The following MXD1 variants were observed in gnomAD, a reference collection of about 807,000 sequenced individuals.
MXD1 encodes the protein MAX dimerization protein 1.
A neutral mutation model predicts 25.7 loss-of-function variants in MXD1; 9 were observed. The ratio of observed to expected loss-of-function variants is 0.35; its 90% confidence interval spans 0.21 to 0.61. MXD1 has a LOEUF of 0.61. MXD1 is among the 20% of genes least tolerant of loss of function. MXD1 has a pLI of 0.75. For synonymous variants in MXD1, 99 were observed against 113.9 expected (o/e 0.87, Z 0.83); for missense variants, 227 against 292.4 (o/e 0.78, Z 1.63).
chr2:69,937,199 C>A, intron 4 of MXD1, 36 bp from the exon 5 acceptor site: 10 of 1,610,470 alleles, frequency 6.2e-6, no homozygotes, highest in Non-Finnish European at 8.5e-6. Flanking sequence ...TAGAGATCTC[C>A]CTGTGGGGCC....
intron 2 of MXD1, among the ~76,000 whole-genome samples, chr2:69,919,543 C>T (rs1677021482): frequency 6.6e-6 from 1 of 151,876 alleles, no homozygotes; most frequent in South Asian, 2.1e-4. Flanking sequence ...CGGGGTTTCG[C>T]CAGGTTAGCC....
intron 3 of MXD1, among the ~76,000 whole-genome samples, chr2:69,934,846 G>T (rs947055840): frequency 3.3e-5 from 5 of 152,118 alleles, no homozygotes; most frequent in African/African-American, 7.2e-5. Flanking sequence ...CCTCCTGGGT[G>T]GTCATTTGGG....
At chr2:69,916,562 A>C (rs72904958) in intron 2 of MXD1, 7 of 189,200 alleles carry the variant, frequency 3.7e-5, no homozygotes, top group Admixed American at 3.6e-4. Flanking sequence ...ATTCAGGGCA[A>C]GTTTTCTATA....
chr2:69,932,674 T>C (rs1677318375), intron 3 of MXD1, among the ~76,000 whole-genome samples: 1 of 152,218 alleles, frequency 6.6e-6, no homozygotes, highest in South Asian at 2.1e-4. Context: ...ATTTGGGTAG[T>C]GAAAATTGCA....
At position 69,915,397 on chromosome 2, in the gene MXD1, G is replaced by A; in HGVS notation, c.67G>A (p.Glu23Lys). The change falls in exon 1 of 6, where the codon GAG becomes AAG. Residue 23 changes from glutamate (E) to lysine (K), a missense_variant. Glu to Lys is a moderately conservative substitution (Grantham distance 56). Coordinates refer to ENST00000264444, the MANE Select transcript of MXD1 (RefSeq NM_002357.4). The surrounding 1 kb of genome is among the most constrained non-coding windows in gnomAD (Gnocchi z 5.8). ...GGCGGCCGACTATCTGGAGCGGCGG[G>A]AGAGAGGTGCACGGGGACGGGGAGG... ...LEAADYLERREREAEHGYASM... is the reference protein window; with the variant it reads ...LEAADYLERRKREAEHGYASM... 7.8e-7 allele frequency: 1 copy of A among 1,283,890 alleles called. No homozygotes were observed. The highest frequency in any genetic ancestry group is 9.9e-7 in the Non-Finnish European group (1 of 1,005,598). The allele number at this position is 1,283,890 out of a possible 1,614,324, so 79.5% of individuals were successfully genotyped here.
Position 69,926,914 on chromosome 2 carries a change from A to T in MXD1, c.203+5149A>T, listed in dbSNP as rs1677181847. On this transcript the variant is annotated intron_variant, in intron 3 of 5. Transcript: ENST00000264444. ...AAAAGATGGCTCTGGCGTCTCCTTT[A>T]ATAGTAGACATCCATTTTTCTGGAG... Among the ~76,000 whole-genome samples the T allele has an allele frequency of 2.6e-5, 4 of 152,360 alleles. No individual in the cohort carries two copies. The South Asian group carries it at 8.3e-4, about 32-fold the overall frequency.
chr2:69,922,188 A>G (rs980787560), intron 3 of MXD1, among the ~76,000 whole-genome samples: 1 of 152,228 alleles, frequency 6.6e-6, no homozygotes, highest in African/African-American at 2.4e-5. Context: ...ACGTGTATGT[A>G]TGTGTATTTG....
rs1676955451 is a variant in MXD1 at position 69,915,992 on chromosome 2, C to T, written c.74-129C>T. On this transcript the variant is annotated intron_variant, in intron 1 of 5. Coordinates refer to ENST00000264444, the MANE Select transcript of MXD1 (RefSeq NM_002357.4). The surrounding 1 kb of genome is among the most constrained non-coding windows in gnomAD (Gnocchi z 5.8). ...TTAAATCATTGTTCTCAGAATTCCA[C>T]CTTACTCCATTTAATTATTTCCACA... 1.5e-6 allele frequency: 1 copy of T among 680,502 alleles called. No individual in the cohort carries two copies. Among genetic ancestry groups the T allele is most frequent in the East Asian group, 2.8e-5 (1 of 36,342 alleles). The allele number at this position is 680,502 out of a possible 1,614,324, so 42.2% of individuals were successfully genotyped here. A position where few individuals can be genotyped will look rare whatever the true frequency, so the allele number is the denominator to read the frequency against.
chr2:69,915,423 G>C lies in MXD1; in HGVS notation c.73+20G>C, dbSNP rs572639550. On this transcript the variant is annotated intron_variant, in intron 1 of 5. Transcript: ENST00000264444. This position sits in a 1 kb window ranked among gnomAD's most constrained non-coding sequence, Gnocchi z 5.8. The stretch of plus-strand genomic sequence containing the variant: ...AGAGAGGTGCACGGGGACGGGGAGG[G>C]GTCCACTCGAAACGAGGCCGGGGGT... The C allele has an allele frequency of 1.3e-5, 17 of 1,269,048 alleles. No individual in the cohort carries two copies. The Admixed American group carries it at 4.2e-4, about 31-fold the overall frequency. The allele number at this position is 1,269,048 out of a possible 1,614,324, so 78.6% of individuals were successfully genotyped here.
chr2:69,937,121 G>C (rs1024914455), intron 4 of MXD1, 114 bp from the exon 5 acceptor site: 1 of 1,381,840 alleles, frequency 7.2e-7, no homozygotes, highest in Non-Finnish European at 1.0e-6. Flanking sequence ...GAGTGGCACC[G>C]AAAGGCGTCT....
At chr2:69,937,482 T>C (rs1677480840) in intron 5 of MXD1, 88 bp downstream of exon 5, 1 of 1,232,190 alleles carries the variant, frequency 8.1e-7, no homozygotes, top group Non-Finnish European at 1.1e-6. Context: ...AGGCAGAGTG[T>C]AAGAAGAACT....
At chr2:69,936,879 C>T (rs936208984) in intron 4 of MXD1, 7 of 437,854 alleles carry the variant, frequency 1.6e-5, no homozygotes, top group Admixed American at 2.7e-5. Context: ...TTTTCTAGTC[C>T]GGAGATCAGG....
chr2:69,931,910 G>A (rs897763686), intron 3 of MXD1, among the ~76,000 whole-genome samples: 1 of 152,004 alleles, frequency 6.6e-6, no homozygotes, highest in Admixed American at 6.6e-5. Context: ...AGGCAGCCGG[G>A]TGCCAGGAAG....
Position 69,915,492 on chromosome 2 carries a change from G to A in MXD1, c.73+89G>A. The A allele has an allele frequency of 9.1e-7, 1 of 1,103,014 alleles. No individual in the cohort carries two copies. Among genetic ancestry groups the A allele is most frequent in the African/African-American group, 1.6e-5 (1 of 61,680 alleles). The allele number at this position is 1,103,014 out of a possible 1,614,324, so 68.3% of individuals were successfully genotyped here. A position where few individuals can be genotyped will look rare whatever the true frequency, so the allele number is the denominator to read the frequency against. ...GGTCCGGGCGCCCAGCCGCTCCGGG[G>A]GTGGTTGGAGGCGGGGAGACCGCGA... On this transcript the variant is annotated intron_variant, in intron 1 of 5. Coordinates refer to ENST00000264444, the MANE Select transcript of MXD1 (RefSeq NM_002357.4). The surrounding 1 kb of genome is among the most constrained non-coding windows in gnomAD (Gnocchi z 5.8).
At chr2:69,917,355 C>T (rs1326257035) in intron 2 of MXD1, among the ~76,000 whole-genome samples, 1 of 152,210 alleles carries the variant, frequency 6.6e-6, no homozygotes, top group Non-Finnish European at 1.5e-5. Context: ...TTTGCTTGTC[C>T]TCCCACCTTA....
rs1279747423 is a variant in MXD1, at chr2:69,915,741, C to G, written c.73+338C>G. ...CCGGCCCCCAGGTGGGCCCGGCGCCCCAGTCTCCTGGGCAGAGGAGCAGCG... is the reference window on the plus strand; with the variant it reads ...CCGGCCCCCAGGTGGGCCCGGCGCCGCAGTCTCCTGGGCAGAGGAGCAGCG... On this transcript the variant is annotated intron_variant, in intron 1 of 5. Coordinates refer to ENST00000264444, the MANE Select transcript of MXD1 (RefSeq NM_002357.4). The surrounding 1 kb of genome is among the most constrained non-coding windows in gnomAD (Gnocchi z 5.8). 6.6e-6 allele frequency among the ~76,000 whole-genome samples: 1 copy of G among 152,268 alleles called. No individual in the cohort carries two copies. Among genetic ancestry groups the G allele is most frequent in the Non-Finnish European group, 1.5e-5 (1 of 68,044 alleles).
At chr2:69,936,922 A>G in intron 4 of MXD1, 1 of 509,950 alleles carries the variant, frequency 2.0e-6, no homozygotes. Context: ...AAGGGAGATC[A>G]GGTTGGGGAC....
intron 3 of MXD1, 104 bp from the exon 4 acceptor site, chr2:69,935,247 C>T (rs552069195): frequency 9.1e-6 from 7 of 765,722 alleles, no homozygotes; most frequent in East Asian, 5.3e-5. Flanking sequence ...CATTTGCCAT[C>T]GCAAGGCCTG....
intron 2 of MXD1, among the ~76,000 whole-genome samples, chr2:69,918,951 A>G (rs920077700): frequency 3.3e-5 from 5 of 152,226 alleles, no homozygotes; most frequent in Non-Finnish European, 5.9e-5. Flanking sequence ...ACTCAGTTTC[A>G]GTAAACTAGA....
Sources: gnomAD v4.1 joint callset for allele counts (sites outside exome capture counted in the v4.1 genomes callset) on GRCh38, gnomAD v4.1.1 for gene constraint, Gnocchi (gnomAD v3.1) non-coding constraint, MANE v1.5 for transcripts, NCBI Gene and HGNC (gene_info 2026-07-23, HGNC 2026-07-21) for gene names.